The following GRID1 variants were observed in gnomAD, a reference collection of about 807,000 sequenced individuals.
GRID1 encodes glutamate receptor ionotropic, delta-1.
In GRID1, 28 loss-of-function variants were observed where a neutral mutation model predicts 98.0. That is an observed-to-expected ratio of 0.29 (90% confidence interval 0.21 to 0.39). The LOEUF (loss-of-function observed/expected upper bound fraction) is 0.39, where lower values mean the gene tolerates loss of function less well. GRID1 is among the 10% of genes least tolerant of loss of function. The pLI is 1.00. For synonymous variants in GRID1, 553 were observed against 538.5 expected (o/e 1.03, Z -0.37); for missense variants, 1,111 against 1,340.5 (o/e 0.83, Z 2.67).
chr10:85,938,762 T>C (rs1306606611), intron 4 of GRID1, among the ~76,000 whole-genome samples: 1 of 152,180 alleles, frequency 6.6e-6, no homozygotes, highest in African/African-American at 2.4e-5. Context: ...AGAAGCTAAT[T>C]TGGCCAGCCT....
intron 3 of GRID1, among the ~76,000 whole-genome samples, chr10:86,163,230 G>T (rs1017619021): frequency 6.6e-6 from 1 of 152,098 alleles, no homozygotes; most frequent in African/African-American, 2.4e-5. Flanking sequence ...CCTGGCACTT[G>T]CGTCTGAGCC....
intron 8 of GRID1, among the ~76,000 whole-genome samples, chr10:85,844,104 T>C (rs970166824): frequency 3.9e-5 from 6 of 152,226 alleles, no homozygotes; most frequent in Admixed American, 2.6e-4. Context: ...TCTTGACACA[T>C]GCAACAACTT....
intron 3 of GRID1, among the ~76,000 whole-genome samples, chr10:86,171,825 C>G (rs1057252541): frequency 2.0e-5 from 3 of 152,204 alleles, no homozygotes; most frequent in Admixed American, 6.5e-5. Flanking sequence ...TGATTCATAT[C>G]AAGCATTTCA....
chr10:86,263,312 T>C (rs889473678), intron 2 of GRID1, among the ~76,000 whole-genome samples: 2 of 152,262 alleles, frequency 1.3e-5, no homozygotes, highest in South Asian at 2.1e-4. Flanking sequence ...GCGCGCAACG[T>C]TGCCATTGTA....
At chr10:86,114,694 T>G (rs928180806) in intron 4 of GRID1, among the ~76,000 whole-genome samples, 1 of 152,040 alleles carries the variant, frequency 6.6e-6, no homozygotes, top group Admixed American at 6.5e-5. Flanking sequence ...CCCTTAAACC[T>G]CCTAGATCAA....
intron 12 of GRID1, among the ~76,000 whole-genome samples, chr10:85,683,574 C>T (rs145754883): frequency 2.0e-5 from 3 of 152,280 alleles, no homozygotes; most frequent in African/African-American, 7.2e-5. Flanking sequence ...TTAAAAGCAG[C>T]AGTTGTAAAG....
chr10:85,620,577 A>G (rs775473993), intron 13 of GRID1, among the ~76,000 whole-genome samples: 1 of 152,198 alleles, frequency 6.6e-6, no homozygotes, highest in Non-Finnish European at 1.5e-5. Flanking sequence ...GTGACTTAAT[A>G]TCAAGCACAA....
chr10:85,854,647 T>C (rs757745137), intron 7 of GRID1, 32 bp from the exon 8 acceptor site: 20 of 1,613,242 alleles, frequency 1.2e-5, no homozygotes, highest in Non-Finnish European at 1.6e-5. Flanking sequence ...CATTGGAAAA[T>C]CTGGTTAAGG....
intron 14 of GRID1, among the ~76,000 whole-genome samples, chr10:85,618,542 G>A (rs567896435): frequency 2.1e-4 from 32 of 152,150 alleles, no homozygotes; most frequent in Non-Finnish European, 3.8e-4. Flanking sequence ...AGCAGAGGGA[G>A]GAAAAGAATG....
At chr10:85,655,699 T>G (rs573355706) in intron 12 of GRID1, among the ~76,000 whole-genome samples, 1 of 151,632 alleles carries the variant, frequency 6.6e-6, no homozygotes, top group East Asian at 1.9e-4. Flanking sequence ...TGAGGCTGCT[T>G]CTTTTTTCCT....
At chr10:86,250,603 G>C (rs1385871437) in intron 2 of GRID1, among the ~76,000 whole-genome samples, 2 of 137,360 alleles carry the variant, frequency 1.5e-5, no homozygotes, top group Non-Finnish European at 3.3e-5. Flanking sequence ...TGGGAGGTGG[G>C]GGGCAGCCCC....
chr10:85,795,686 C>T (rs1474821102), intron 8 of GRID1, among the ~76,000 whole-genome samples: 4 of 152,180 alleles, frequency 2.6e-5, no homozygotes, highest in African/African-American at 4.8e-5. Flanking sequence ...GGCAACGGCA[C>T]GTCGAATCCT....
At chr10:86,060,293 G>C (rs1231020449) in intron 4 of GRID1, among the ~76,000 whole-genome samples, 1 of 152,116 alleles carries the variant, frequency 6.6e-6, no homozygotes, top group African/African-American at 2.4e-5. Flanking sequence ...CTAAATATAG[G>C]ATTTCCCCAC....
chr10:86,306,715 T>G (rs1312890418), intron 2 of GRID1, among the ~76,000 whole-genome samples: 1 of 152,092 alleles, frequency 6.6e-6, no homozygotes, highest in Non-Finnish European at 1.5e-5. Flanking sequence ...AAAACAAAGG[T>G]GTCCTCCAGA....
chr10:85,972,613 T>C (rs913459867), intron 4 of GRID1, among the ~76,000 whole-genome samples: 1 of 152,090 alleles, frequency 6.6e-6, no homozygotes, highest in East Asian at 1.9e-4. Flanking sequence ...GGCTACACAA[T>C]AGTCTATTGC....
In GRID1 at chr10:86,306,145, A is replaced by G. The variant is rs75220269; in HGVS notation, c.235+57796T>C. Among the ~76,000 whole-genome samples, 392 of 152,338 alleles carry G rather than the reference A, an allele frequency of 2.6e-3. 10 individuals are homozygous for G. The East Asian group carries it at 0.055, about 22-fold the overall frequency. On this transcript the variant is annotated intron_variant, in intron 2 of 15. Transcript: ENST00000327946. ...ATCGTTCCATCAAAACCCTTTAGTC[A>G]AGGCTTTGGGCAAACAAGTGGGTAC... is the stretch of plus-strand genomic sequence containing the variant.
At chr10:86,223,400 C>T (rs1379111553) in intron 2 of GRID1, among the ~76,000 whole-genome samples, 1 of 152,236 alleles carries the variant, frequency 6.6e-6, no homozygotes, top group South Asian at 2.1e-4. Context: ...GCTGGGGGCT[C>T]GGCCCCTCCA....
intron 4 of GRID1, among the ~76,000 whole-genome samples, chr10:86,049,411 T>C (rs1270785241): frequency 6.6e-6 from 1 of 152,218 alleles, no homozygotes; most frequent in Non-Finnish European, 1.5e-5. Context: ...CTCTTAAAGA[T>C]ATTATTTCCT....
At chr10:86,266,571 C>T (rs747864238) in intron 2 of GRID1, among the ~76,000 whole-genome samples, 21 of 152,336 alleles carry the variant, frequency 1.4e-4, no homozygotes, top group Admixed American at 6.5e-4. Flanking sequence ...GCCCTCCTGC[C>T]CAACTCCCAT....
Sources: allele counts gnomAD v4.1 joint callset (sites outside exome capture counted in the v4.1 genomes callset), GRCh38; gene constraint gnomAD v4.1.1; transcripts MANE v1.5; gene names NCBI Gene and HGNC (gene_info 2026-07-23, HGNC 2026-07-21).